FANCI: variants seen among roughly 807,000 people sequenced by gnomAD.
FANCI encodes FA complementation group I, also known as Fanconi anemia group I protein.
FANCI carries 156 observed loss-of-function variants against 176.1 expected under a neutral mutation model. That is an observed-to-expected ratio of 0.89 (90% confidence interval 0.78 to 1.01). FANCI has a LOEUF of 1.01. Among genes scored for constraint, FANCI ranks in the 50% least tolerant of loss-of-function variants. The pLI is 0.00. For synonymous variants in FANCI, 613 were observed against 541.7 expected, an observed-to-expected ratio of 1.13 and a Z score of -1.83; for missense variants, 1,678 against 1,534.1, an observed-to-expected ratio of 1.09 and a Z score of -1.57.
intron 2 of FANCI, 48 bp from the exon 3 acceptor site, chr15:89,258,656 G>C (rs1334491686): frequency 1.4e-6 from 2 of 1,380,352 alleles, no homozygotes; most frequent in African/African-American, 2.8e-5. Flanking sequence ...TAGGTCATTG[G>C]GGTAAAAGAC....
intron 14 of FANCI, 124 bp downstream of exon 14, chr15:89,278,898 A>G: frequency 1.4e-6 from 1 of 714,466 alleles, no homozygotes; most frequent in East Asian, 2.7e-5. Flanking sequence ...ATAGGATGCC[A>G]ATAAAGGAAA....
intron 9 of FANCI, among the ~76,000 whole-genome samples, chr15:89,267,399 CAAGA>C (rs765247369): frequency 5.5e-5 from 8 of 144,832 alleles, no homozygotes; most frequent in Non-Finnish European, 7.5e-5. Context: ...GAAAATTTTT[CAAGA>C]AAGAAGTAGT....
intron 20 of FANCI, 44 bp downstream of exon 20, chr15:89,291,758 G>A (rs780931286): frequency 6.7e-7 from 1 of 1,501,030 alleles, no homozygotes; most frequent in South Asian, 1.1e-5. Context: ...TTAGTATTAA[G>A]GATAGGGTTG....
At chr15:89,276,560 T>C in intron 12 of FANCI, 151 bp from the exon 13 acceptor site, 1 of 792,166 alleles carries the variant, frequency 1.3e-6, no homozygotes, top group East Asian at 2.7e-5. Context: ...TTCAGAATTC[T>C]GTCAGACGAT....
intron 7 of FANCI, 70 bp downstream of exon 7, chr15:89,263,530 T>C (rs1017103387): frequency 3.1e-6 from 4 of 1,280,242 alleles, no homozygotes; most frequent in East Asian, 2.3e-5. Context: ...AATTAAACTA[T>C]AGCAAACGTA....
At chr15:89,254,079 C>G (rs1004618626) in intron 2 of FANCI, among the ~76,000 whole-genome samples, 7 of 152,140 alleles carry the variant, frequency 4.6e-5, no homozygotes, top group Non-Finnish European at 8.8e-5. Flanking sequence ...GCCATAGTTG[C>G]TCGGTGCGGT....
chr15:89,246,763 C>CTTTTTTTTTTTTTT (rs35104299), intron 1 of FANCI, among the ~76,000 whole-genome samples: 1 of 113,940 alleles, frequency 8.8e-6, no homozygotes, highest in Non-Finnish European at 1.7e-5. Context: ...TTCTTCCTTT[C>CTTTTTTTTTTTTTT]TTTTTTTTTT....
At position 89,251,184 on chromosome 15, in the gene FANCI, T is replaced by C. The variant is rs192513582; in HGVS notation, c.84+3453T>C. 3.0e-4 allele frequency among the ~76,000 whole-genome samples: 46 copies of C among 152,346 alleles called. No homozygotes were observed. In the East Asian group the frequency reaches 7.9e-3, roughly 26 times the overall value. ...ATACTGTGAGACTACAGTAGATTCCTGTGCAAATAAATTTGAAAACCTAGA... is the reference window on the plus strand; with the variant it reads ...ATACTGTGAGACTACAGTAGATTCCCGTGCAAATAAATTTGAAAACCTAGA... On this transcript the variant is annotated intron_variant, in intron 2 of 37. Coordinates refer to ENST00000310775, the MANE Select transcript of FANCI (RefSeq NM_001113378.2).
At position 89,276,890 on chromosome 15, in the gene FANCI, A is replaced by T; in HGVS notation, c.1292A>T (p.Lys431Met). The T allele has an allele frequency of 6.2e-7, 1 of 1,614,182 alleles. No individual in the cohort carries two copies. The highest frequency in any genetic ancestry group is 8.5e-7 in the Non-Finnish European group (1 of 1,180,022). The stretch of plus-strand genomic sequence containing the variant: ...GCTAATATCCTGTTGGAAACTTTTA[A>T]GGTGAGACACTATTTTGGCAACCAC... The part of the protein sequence containing the change: ...LGANILLETF[K>M]IHEMIRQEIL... Residue 431 changes from lysine (K) to methionine (M), a missense_variant and splice_region_variant, in exon 13 of 38, where the codon AAG becomes ATG. Lys to Met is a moderately conservative substitution (Grantham distance 95). Around this residue, in one of 3 missense-constraint regions of FANCI, gnomAD observed 1,204 missense variants for 1,077.4 expected, o/e 1.12. Coordinates refer to ENST00000310775, the MANE Select transcript of FANCI (RefSeq NM_001113378.2).
chr15:89,307,943 G>C lies in FANCI; in HGVS notation c.3651+271G>C, dbSNP rs2054791759. ...AGGAACAAGCATGCTCAGGCTCAAGGACTTGGTTTATTCCTGGGTGACTGA... is the reference window on the plus strand; with the variant it reads ...AGGAACAAGCATGCTCAGGCTCAAGCACTTGGTTTATTCCTGGGTGACTGA... On this transcript the variant is annotated intron_variant, in intron 34 of 37. Transcript: ENST00000310775. The C allele has an allele frequency of 3.8e-6, 5 of 1,332,310 alleles. No individual in the cohort carries two copies. The South Asian group carries it at 6.2e-5, about 17-fold the overall frequency. 82.5% of individuals were successfully genotyped at this position (1,332,310 alleles called of 1,614,324 possible). A position where few individuals can be genotyped will look rare whatever the true frequency, so the allele number is the denominator to read the frequency against.
intron 27 of FANCI, among the ~76,000 whole-genome samples, chr15:89,302,275 C>T (rs910709576): frequency 1.3e-5 from 2 of 152,128 alleles, no homozygotes; most frequent in African/African-American, 4.8e-5. Context: ...GTCCTACTTC[C>T]AGGTTTGCCC....
intron 12 of FANCI, 69 bp from the exon 13 acceptor site, chr15:89,276,642 G>A (rs914905426): frequency 1.9e-6 from 3 of 1,542,400 alleles, no homozygotes; most frequent in East Asian, 2.2e-5. Context: ...GTATAACAGG[G>A]CAATGAGTAT....
intron 27 of FANCI, among the ~76,000 whole-genome samples, chr15:89,303,403 T>A (rs1014444218): frequency 2.0e-5 from 3 of 152,226 alleles, no homozygotes; most frequent in African/African-American, 7.2e-5. Context: ...GCCTCTTTTA[T>A]TTCTCTTTTT....
At chr15:89,286,759 AC>A (rs2053831610) in intron 18 of FANCI, among the ~76,000 whole-genome samples, 1 of 151,966 alleles carries the variant, frequency 6.6e-6, no homozygotes. Flanking sequence ...AGCTACATTA[AC>A]CCCTAACAAG....
intron 9 of FANCI, among the ~76,000 whole-genome samples, chr15:89,264,980 T>C (rs981749357): frequency 2.6e-5 from 4 of 152,334 alleles, no homozygotes; most frequent in African/African-American, 7.2e-5. Context: ...AAAAATGTTA[T>C]AGTAAAAGTG....
rs761084228 is a variant in FANCI, at chr15:89,292,705, T to TA, written c.2011dup (p.Ile671AsnfsTer9). 1 of 1,613,688 alleles carries TA rather than the reference T, an allele frequency of 6.2e-7. No homozygotes were observed. The highest frequency in any genetic ancestry group is 8.5e-7 in the Non-Finnish European group (1 of 1,179,894). On this transcript the variant is annotated frameshift_variant, in exon 21 of 38. Coordinates refer to ENST00000310775, the MANE Select transcript of FANCI (RefSeq NM_001113378.2). LOFTEE classifies it high-confidence loss of function. ...TCCTACAGGATTATCTGCTGTGTTG[T>TA]ATTCAGCATTGTTTGGCCTGGTATA...
In FANCI at chr15:89,307,459, G is replaced by A; in HGVS notation, c.3538-17G>A. Reference sequence around the variant, plus strand: ...TCATAGGACAGTCTACTAAATCTAGGAATCTTTTTTTATTAGTATCTCCAG... The same window carrying A: ...TCATAGGACAGTCTACTAAATCTAGAAATCTTTTTTTATTAGTATCTCCAG... On this transcript the variant is annotated splice_polypyrimidine_tract_variant and intron_variant, in intron 32 of 37. Transcript: ENST00000310775. 1 of 1,611,994 alleles carries A rather than the reference G, an allele frequency of 6.2e-7. No individual in the cohort carries two copies. The highest frequency in any genetic ancestry group is 8.5e-7 in the Non-Finnish European group (1 of 1,178,558).
intron 11 of FANCI, among the ~76,000 whole-genome samples, chr15:89,273,965 T>C (rs758426176): frequency 4.6e-5 from 7 of 152,218 alleles, no homozygotes; most frequent in Non-Finnish European, 8.8e-5. Context: ...CTGAATGTCA[T>C]AATTTTTGTA....
chr15:89,273,323 AAAAG>A lies in FANCI; in HGVS notation c.883-50_883-47del, dbSNP rs1443335632. The A allele has an allele frequency of 1.1e-3, 991 of 926,646 alleles. 3 individuals carry two copies. The African/African-American group carries it at 0.017, about 16-fold the overall frequency. 57.4% of individuals were successfully genotyped at this position (926,646 alleles called of 1,614,324 possible). A position where few individuals can be genotyped will look rare whatever the true frequency, so the allele number is the denominator to read the frequency against. On this transcript the variant is annotated intron_variant, in intron 10 of 37. Transcript: ENST00000310775. ...TCTTTTTTTTTTTAAAAAAAAAAAA[AAAAG>A]AAAAAAGAAAATGTAAGTAAATGAC...
Sources: gnomAD v4.1 joint callset for allele counts (sites outside exome capture counted in the v4.1 genomes callset) on GRCh38, gnomAD v4.1.1 for gene constraint, gnomAD v4.1.1 regional missense constraint, MANE v1.5 for transcripts, NCBI Gene and HGNC (gene_info 2026-07-23, HGNC 2026-07-21) for gene names.